The following LINGO2 variants were observed in gnomAD, a reference collection of about 807,000 sequenced individuals.
The protein encoded by LINGO2 is leucine rich repeat and Ig domain containing 2, also known as leucine-rich repeat and immunoglobulin-like domain-containing nogo receptor-interacting protein 2.
A neutral mutation model predicts 30.6 loss-of-function variants in LINGO2; 14 were observed. The ratio of observed to expected loss-of-function variants is 0.46; its 90% CI spans 0.30 to 0.72. LINGO2 has a LOEUF of 0.72. Ranked by LOEUF, LINGO2 falls within the 30% of genes least tolerant of loss-of-function variation. The pLI, the probability that LINGO2 is intolerant of heterozygous loss-of-function variation, is 0.07. For synonymous variants in LINGO2, 317 were observed against 288.5 expected, an observed-to-expected ratio of 1.10 and a Z score of -1.00; for missense variants, 729 against 751.7, an observed-to-expected ratio of 0.97 and a Z score of 0.35.
At chr9:28,727,023 T>C in the LINGO2 span, among the ~76,000 whole-genome samples, 1 of 152,106 alleles carries the variant, frequency 6.6e-6, no homozygotes. Flanking sequence ...TCTTCCAGAG[T>C]TGAACCATTT....
At chr9:28,793,530 A>G in the LINGO2 span, among the ~76,000 whole-genome samples, 1 of 152,216 alleles carries the variant, frequency 6.6e-6, no homozygotes. Flanking sequence ...CCTATATTAC[A>G]TAGCAGTTAC....
At chr9:28,195,689 A>G (rs1394422861) in intron 4 of LINGO2, among the ~76,000 whole-genome samples, 3 of 151,642 alleles carry the variant, frequency 2.0e-5, no homozygotes, top group Non-Finnish European at 4.4e-5. Context: ...ACTTCCATCA[A>G]CAAACATCTC....
In LINGO2 at chr9:28,130,800, T is replaced by C. The variant is rs373308314; in HGVS notation, c.-86-118395A>G. On this transcript the variant is annotated intron_variant, in intron 4 of 5. Coordinates refer to ENST00000379992, the Ensembl canonical transcript of LINGO2. This position sits in a 1 kb window ranked among gnomAD's most constrained non-coding sequence, Gnocchi z 5.2. ...TGTGCAGAAATGGAAAAAGATTAGATTCTGAGAAGTAGTACAGTTTGGCTA... is the reference window on the plus strand; with the variant it reads ...TGTGCAGAAATGGAAAAAGATTAGACTCTGAGAAGTAGTACAGTTTGGCTA... Among the ~76,000 whole-genome samples, 11 of 152,128 alleles carry C rather than the reference T, an allele frequency of 7.2e-5. No homozygotes were observed. Among genetic ancestry groups the C allele is most frequent in the Non-Finnish European group, 1.5e-4 (10 of 68,004 alleles).
the LINGO2 span, among the ~76,000 whole-genome samples, chr9:28,755,868 G>C: frequency 6.6e-6 from 1 of 152,056 alleles, no homozygotes; most frequent in Non-Finnish European, 1.5e-5. Flanking sequence ...GGAGATAATA[G>C]CAACCTCATA....
At chr9:28,173,447 T>C (rs972101767) in intron 4 of LINGO2, among the ~76,000 whole-genome samples, 3 of 152,152 alleles carry the variant, frequency 2.0e-5, no homozygotes, top group Non-Finnish European at 4.4e-5. Context: ...AGAATAAAAC[T>C]CTTCTTTTTA....
chr9:28,380,376 C>A (rs1344208179), intron 2 of LINGO2, among the ~76,000 whole-genome samples: 1 of 127,528 alleles, frequency 7.8e-6, no homozygotes, highest in Non-Finnish European at 1.6e-5. Flanking sequence ...ATCATTGACT[C>A]AATGACTATA....
intron 2 of LINGO2, among the ~76,000 whole-genome samples, chr9:28,383,711 G>T (rs747228258): frequency 6.6e-6 from 1 of 152,128 alleles, no homozygotes; most frequent in African/African-American, 2.4e-5. Context: ...TTCTCTGTAA[G>T]AGCATCTGTA....
chr9:28,768,494 C>CA, the LINGO2 span, among the ~76,000 whole-genome samples: 2 of 151,950 alleles, frequency 1.3e-5, no homozygotes, highest in African/African-American at 4.8e-5. Context: ...ATTATTCCCC[C>CA]CAAAAGCTCT....
chr9:28,829,613 C>T, the LINGO2 span, among the ~76,000 whole-genome samples: 5 of 152,176 alleles, frequency 3.3e-5, no homozygotes, highest in Admixed American at 1.3e-4. Flanking sequence ...ATTGGCCAGG[C>T]GCAGTGGCTC....
At chr9:28,091,537 T>C (rs542558773) in intron 4 of LINGO2, among the ~76,000 whole-genome samples, 1 of 152,266 alleles carries the variant, frequency 6.6e-6, no homozygotes, top group Non-Finnish European at 1.5e-5. Context: ...TTATACCTTA[T>C]ACAAAAATTA....
the LINGO2 span, chr9:27,939,024 A>ATCTTT: frequency 5.9e-5 from 9 of 152,224 alleles, no homozygotes; most frequent in Non-Finnish European, 1.3e-4. Flanking sequence ...TTTAAAAGAT[A>ATCTTT]TAAATAGACA....
chr9:28,345,093 G>GA (rs897921009), intron 3 of LINGO2, among the ~76,000 whole-genome samples: 55 of 141,934 alleles, frequency 3.9e-4, no homozygotes, highest in East Asian at 6.0e-4. Flanking sequence ...GACGTGTTAA[G>GA]AAAAAAAAAA....
the LINGO2 span, among the ~76,000 whole-genome samples, chr9:28,780,546 ATTTT>A: frequency 2.6e-5 from 4 of 152,022 alleles, no homozygotes; most frequent in Admixed American, 2.6e-4. Flanking sequence ...AGATGAGAAA[ATTTT>A]CAAAGGCCTC....
the LINGO2 span, among the ~76,000 whole-genome samples, chr9:29,063,164 CCTCT>C: frequency 1.1e-4 from 6 of 54,928 alleles, no homozygotes; most frequent in South Asian, 2.8e-3. Flanking sequence ...GACATTTAGT[CCTCT>C]GGGAATTATG....
the LINGO2 span, among the ~76,000 whole-genome samples, chr9:28,922,270 T>C: frequency 6.6e-6 from 1 of 152,190 alleles, no homozygotes; most frequent in African/African-American, 2.4e-5. Context: ...GTGCATGTTG[T>C]GTTTTGTATC....
At chr9:29,195,826 A>T in the LINGO2 span, among the ~76,000 whole-genome samples, 1 of 152,120 alleles carries the variant, frequency 6.6e-6, no homozygotes, top group Non-Finnish European at 1.5e-5. Flanking sequence ...TTATAAAAAC[A>T]TTAATTTGGC....
intron 1 of LINGO2, among the ~76,000 whole-genome samples, chr9:28,628,072 T>C (rs1290815366): frequency 1.3e-5 from 2 of 151,958 alleles, no homozygotes; most frequent in Admixed American, 6.6e-5. Flanking sequence ...TGTGGAGTTA[T>C]GAAAAATGCA....
At chr9:29,148,737 G>A in the LINGO2 span, among the ~76,000 whole-genome samples, 1 of 151,980 alleles carries the variant, frequency 6.6e-6, no homozygotes, top group Non-Finnish European at 1.5e-5. Flanking sequence ...TTATTCCTTT[G>A]GTTAAACCTA....
At chr9:28,482,837 A>T (rs1826030114) in intron 1 of LINGO2, among the ~76,000 whole-genome samples, 1 of 152,118 alleles carries the variant, frequency 6.6e-6, no homozygotes, top group Non-Finnish European at 1.5e-5. Flanking sequence ...CTTATACAAA[A>T]ATTAATTCAA....
Sources: allele counts gnomAD v4.1 joint callset (sites outside exome capture counted in the v4.1 genomes callset), GRCh38; gene constraint gnomAD v4.1.1; non-coding constraint Gnocchi (gnomAD v3.1); transcripts MANE v1.5; gene names NCBI Gene and HGNC (gene_info 2026-07-23, HGNC 2026-07-21).